Variants in CNTNAP2 observed in about 807,000 individuals in gnomAD.
CNTNAP2 encodes the protein contactin-associated protein-like 2.
CNTNAP2 carries 98 observed loss-of-function variants against 155.2 expected under a neutral mutation model. The observed-to-expected ratio is 0.63, with a 90% CI of 0.54 to 0.75. The LOEUF is 0.75. CNTNAP2 is among the 30% of genes least tolerant of loss of function. CNTNAP2 has a pLI of 0.00. For missense variants in CNTNAP2, 1,727 were observed against 1,688.1 expected, an observed-to-expected ratio of 1.02 and a Z score of -0.40; for synonymous variants, 651 against 631.2, an observed-to-expected ratio of 1.03 and a Z score of -0.47.
intron 8 of CNTNAP2, among the ~76,000 whole-genome samples, chr7:147,264,313 T>A (rs1182945643): frequency 1.3e-5 from 2 of 152,108 alleles, no homozygotes; most frequent in Non-Finnish European, 2.9e-5. Flanking sequence ...TACAGTTAGA[T>A]ATTTATTTAT....
intron 1 of CNTNAP2, among the ~76,000 whole-genome samples, chr7:146,482,222 A>C (rs1010283440): frequency 4.6e-4 from 69 of 151,080 alleles, no homozygotes; most frequent in African/African-American, 1.6e-3. Flanking sequence ...AAAAAAAAAA[A>C]AAAACTCCAG....
chr7:146,850,066 C>G (rs1004182646), intron 3 of CNTNAP2, among the ~76,000 whole-genome samples: 1 of 152,074 alleles, frequency 6.6e-6, no homozygotes, highest in Non-Finnish European at 1.5e-5. Flanking sequence ...AATGTCTTGG[C>G]AAATAAATTT....
intron 1 of CNTNAP2, among the ~76,000 whole-genome samples, chr7:146,708,692 G>C (rs943624196): frequency 2.8e-5 from 4 of 143,278 alleles, no homozygotes; most frequent in Admixed American, 7.1e-5. Context: ...TGCCTCCTGG[G>C]TTCAAGTATT....
At chr7:147,247,596 A>G (rs1160901018) in intron 8 of CNTNAP2, among the ~76,000 whole-genome samples, 1 of 152,234 alleles carries the variant, frequency 6.6e-6, no homozygotes, top group East Asian at 1.9e-4. Context: ...ATTTATGAAT[A>G]TTATTCAAAC....
chr7:147,712,434 GAC>G (rs1796413229), intron 13 of CNTNAP2, among the ~76,000 whole-genome samples: 1 of 152,170 alleles, frequency 6.6e-6, no homozygotes, highest in Non-Finnish European at 1.5e-5. Flanking sequence ...CTGCTGTAAA[GAC>G]ACATGCACAT....
chr7:148,380,434 T>C (rs911778856), intron 21 of CNTNAP2, among the ~76,000 whole-genome samples: 1 of 152,210 alleles, frequency 6.6e-6, no homozygotes, highest in African/African-American at 2.4e-5. Flanking sequence ...ACCACATTTT[T>C]GAAAATCAAA....
chr7:146,597,480 A>G (rs1016398445), intron 1 of CNTNAP2, among the ~76,000 whole-genome samples: 2 of 152,094 alleles, frequency 1.3e-5, no homozygotes, highest in Non-Finnish European at 2.9e-5. Context: ...GCACACACAT[A>G]CACAGGCACA....
At chr7:147,198,231 CCT>C (rs1491163566) in intron 8 of CNTNAP2, among the ~76,000 whole-genome samples, 1 of 100,386 alleles carries the variant, frequency 1.0e-5, no homozygotes, top group Non-Finnish European at 2.2e-5. Flanking sequence ...TTTCCAATAT[CCT>C]TTTTTTTTTT....
At chr7:146,319,908 G>A (rs1481263621) in intron 1 of CNTNAP2, among the ~76,000 whole-genome samples, 1 of 152,026 alleles carries the variant, frequency 6.6e-6, no homozygotes, top group African/African-American at 2.4e-5. Flanking sequence ...GGGAGGAAAA[G>A]GCGAGTTCAT....
chr7:147,562,897 G>C (rs142229023), intron 12 of CNTNAP2, among the ~76,000 whole-genome samples: 1 of 152,072 alleles, frequency 6.6e-6, no homozygotes, highest in Non-Finnish European at 1.5e-5. Context: ...AATATCTTAC[G>C]CTTCAAAAAT....
At chr7:148,065,785 C>T (rs912281488) in intron 15 of CNTNAP2, among the ~76,000 whole-genome samples, 4 of 152,168 alleles carry the variant, frequency 2.6e-5, no homozygotes, top group Admixed American at 6.5e-5. Flanking sequence ...TTACATTCAA[C>T]ATTAGTATTG....
intron 20 of CNTNAP2, among the ~76,000 whole-genome samples, chr7:148,237,884 C>G (rs920144630): frequency 2.0e-5 from 3 of 152,186 alleles, no homozygotes; most frequent in Non-Finnish European, 2.9e-5. Context: ...ATAACCTCCT[C>G]AAGCCCAGAG....
At chr7:147,049,888 G>C (rs937409479) in intron 4 of CNTNAP2, among the ~76,000 whole-genome samples, 1 of 152,136 alleles carries the variant, frequency 6.6e-6, no homozygotes, top group South Asian at 2.1e-4. Context: ...TTTGTCATCT[G>C]AGAAATGAGG....
intron 3 of CNTNAP2, among the ~76,000 whole-genome samples, chr7:146,863,947 T>C (rs976520705): frequency 1.3e-5 from 2 of 152,154 alleles, no homozygotes; most frequent in South Asian, 4.1e-4. Flanking sequence ...TTCTGCCCTC[T>C]TTGCTATTGA....
At chr7:146,125,295 GGCCAGGT>G (rs1174359956) in intron 1 of CNTNAP2, among the ~76,000 whole-genome samples, 1 of 152,068 alleles carries the variant, frequency 6.6e-6, no homozygotes, top group East Asian at 1.9e-4. Context: ...TAACTATTTT[GGCCAGGT>G]GCGGTGGCTC....
intron 1 of CNTNAP2, among the ~76,000 whole-genome samples, chr7:146,460,828 G>A (rs767640626): frequency 4.6e-5 from 7 of 152,120 alleles, no homozygotes; most frequent in Non-Finnish European, 8.8e-5. Context: ...TATAGGGCAG[G>A]GAATGGGGAG....
chr7:148,022,252 G>A (rs1157282251), intron 15 of CNTNAP2, among the ~76,000 whole-genome samples: 1 of 152,088 alleles, frequency 6.6e-6, no homozygotes, highest in East Asian at 1.9e-4. Context: ...CAGATTGCCT[G>A]AGCTCAGGAG....
At chr7:146,202,234 C>A (rs1156373702) in intron 1 of CNTNAP2, among the ~76,000 whole-genome samples, 2 of 152,110 alleles carry the variant, frequency 1.3e-5, no homozygotes, top group East Asian at 1.9e-4. Context: ...TGAAAATACA[C>A]CAGTAACAGT....
intron 13 of CNTNAP2, among the ~76,000 whole-genome samples, chr7:147,763,980 G>C (rs2116523897): frequency 6.6e-6 from 1 of 152,284 alleles, no homozygotes; most frequent in Middle Eastern, 3.4e-3. Context: ...AACAGAAGGA[G>C]CTCAAATTTA....
Sources: gnomAD v4.1 joint callset for allele counts (sites outside exome capture counted in the v4.1 genomes callset) on GRCh38, gnomAD v4.1.1 for gene constraint, MANE v1.5 for transcripts, NCBI Gene and HGNC (gene_info 2026-07-23, HGNC 2026-07-21) for gene names.